The following MEGF10 variants were observed in gnomAD, a reference collection of about 807,000 sequenced individuals.
MEGF10 encodes the protein multiple epidermal growth factor-like domains protein 10.
A neutral mutation model predicts 147.5 loss-of-function variants in MEGF10; 86 were observed. The ratio of observed to expected loss-of-function variants is 0.58; its 90% CI spans 0.49 to 0.70. The LOEUF is 0.70. MEGF10 is among the 30% of genes least tolerant of loss of function. The pLI is 0.00. For missense variants in MEGF10, 1,329 were observed against 1,487.3 expected, an observed-to-expected ratio of 0.89 and a Z score of 1.75; for synonymous variants, 478 against 525.5, an observed-to-expected ratio of 0.91 and a Z score of 1.24.
intron 4 of MEGF10, among the ~76,000 whole-genome samples, chr5:127,362,728 A>G (rs559340266): frequency 6.6e-6 from 1 of 152,240 alleles, no homozygotes; most frequent in Admixed American, 6.5e-5. Context: ...TAGGTCTTAC[A>G]TTTTTAATCC....
chr5:127,278,163 GA>G, the MEGF10 span, among the ~76,000 whole-genome samples: 1 of 152,016 alleles, frequency 6.6e-6, no homozygotes, highest in Non-Finnish European at 1.5e-5. Context: ...AAGATGTGAA[GA>G]AACCAACAAA....
At chr5:127,382,375 T>C (rs1316028545) in intron 5 of MEGF10, among the ~76,000 whole-genome samples, 1 of 152,184 alleles carries the variant, frequency 6.6e-6, no homozygotes, top group Non-Finnish European at 1.5e-5. Flanking sequence ...AACCAAATGG[T>C]TTTACTACTC....
rs1766468090 is a variant in MEGF10, at chr5:127,459,000, CTTGACCA to C, written c.*1683_*1689del. The C allele has an allele frequency of 6.6e-6, 1 of 152,156 alleles. No homozygotes were observed. Among genetic ancestry groups the C allele is most frequent in the Non-Finnish European group, 1.5e-5 (1 of 68,028 alleles). 9.4% of individuals were successfully genotyped at this position (152,156 alleles called of 1,614,324 possible). On this transcript the variant is annotated 3_prime_UTR_variant, in exon 25 of 25. Coordinates refer to ENST00000503335, the MANE Select transcript of MEGF10 (RefSeq NM_001256545.2). Reference sequence around the variant, plus strand: ...AGCCAGTTTCCCTTTTGTTGATCTACTTGACCAAGCAAAGGGGCTGAAAAACTGAATA... The same window carrying C: ...AGCCAGTTTCCCTTTTGTTGATCTACAGCAAAGGGGCTGAAAAACTGAATA...
chr5:127,388,177 C>T (rs1389717145), intron 5 of MEGF10, among the ~76,000 whole-genome samples: 1 of 152,124 alleles, frequency 6.6e-6, no homozygotes, highest in Non-Finnish European at 1.5e-5. Context: ...GAGGCAGGAT[C>T]TCACTCTGTC....
chr5:127,383,988 A>C (rs1300503096), intron 5 of MEGF10, among the ~76,000 whole-genome samples: 1 of 152,218 alleles, frequency 6.6e-6, no homozygotes, highest in African/African-American at 2.4e-5. Flanking sequence ...GTCCAGAAGG[A>C]AGATAAGCAT....
the MEGF10 span, among the ~76,000 whole-genome samples, chr5:127,235,156 A>G: frequency 6.6e-6 from 1 of 152,160 alleles, no homozygotes; most frequent in Non-Finnish European, 1.5e-5. Flanking sequence ...TCCAACTTGC[A>G]TATCTTTATG....
intron 1 of MEGF10, among the ~76,000 whole-genome samples, chr5:127,298,207 C>G (rs1263226238): frequency 6.6e-6 from 1 of 152,174 alleles, no homozygotes; most frequent in African/African-American, 2.4e-5. Context: ...AAGGCTACCA[C>G]CTCCACCAGG....
intron 9 of MEGF10, among the ~76,000 whole-genome samples, chr5:127,412,393 TCCTGGAAGC>T (rs1455250525): frequency 2.6e-5 from 4 of 152,210 alleles, no homozygotes; most frequent in African/African-American, 9.6e-5. Flanking sequence ...TGTGTAAAAC[TCCTGGAAGC>T]CCAAGGTCCC....
In MEGF10 at chr5:127,457,850, G is replaced by A. The variant is rs1766422451; in HGVS notation, c.*532G>A. The A allele has an allele frequency of 6.6e-6, 1 of 152,584 alleles. No individual in the cohort carries two copies. The highest frequency in any genetic ancestry group is 2.4e-5 in the African/African-American group (1 of 41,422). The allele number at this position is 152,584 out of a possible 1,614,324, so 9.5% of individuals were successfully genotyped here. On this transcript the variant is annotated 3_prime_UTR_variant, in exon 25 of 25. Coordinates refer to ENST00000503335, the MANE Select transcript of MEGF10 (RefSeq NM_001256545.2). Reference sequence around the variant, plus strand: ...TTGTAGGGATAATATGAATGCAGGAGGAAACATTCTGTCAGGCGGTATGAC... The same window carrying A: ...TTGTAGGGATAATATGAATGCAGGAAGAAACATTCTGTCAGGCGGTATGAC...
chr5:127,389,200 G>A (rs1004334278), intron 5 of MEGF10, among the ~76,000 whole-genome samples: 1 of 152,118 alleles, frequency 6.6e-6, no homozygotes, highest in African/African-American at 2.4e-5. Context: ...TCCTCTATGT[G>A]CTTGTCATAA....
chr5:127,433,275 T>G, intron 13 of MEGF10, 88 bp from the exon 14 acceptor site: 1 of 1,538,330 alleles, frequency 6.5e-7, no homozygotes, highest in Non-Finnish European at 8.9e-7. Context: ...GGTTTAACAC[T>G]GTGAGCTTAG....
At chr5:127,339,910 A>G (rs1034235412) in intron 3 of MEGF10, among the ~76,000 whole-genome samples, 17 of 152,154 alleles carry the variant, frequency 1.1e-4, no homozygotes, top group African/African-American at 4.1e-4. Context: ...TTTTCTTCAC[A>G]GCATGTAATC....
intron 1 of MEGF10, among the ~76,000 whole-genome samples, chr5:127,323,074 C>G (rs190352867): frequency 4.6e-5 from 7 of 151,698 alleles, no homozygotes; most frequent in Admixed American, 3.9e-4. Flanking sequence ...TTGTAACTTT[C>G]AAGTAAATTT....
chr5:127,367,025 G>A (rs1286517367), intron 4 of MEGF10, among the ~76,000 whole-genome samples: 1 of 152,110 alleles, frequency 6.6e-6, no homozygotes, highest in Non-Finnish European at 1.5e-5. Flanking sequence ...TTAGAGCAGG[G>A]TGCTAGGCTG....
chr5:127,318,058 C>T (rs1760634099), intron 1 of MEGF10, among the ~76,000 whole-genome samples: 1 of 152,098 alleles, frequency 6.6e-6, no homozygotes, highest in Non-Finnish European at 1.5e-5. Flanking sequence ...GGTTTTGAAA[C>T]TTTGCTCTCA....
At chr5:127,393,487 G>A (rs1270447031) in intron 5 of MEGF10, among the ~76,000 whole-genome samples, 2 of 152,204 alleles carry the variant, frequency 1.3e-5, no homozygotes, top group Non-Finnish European at 2.9e-5. Context: ...TCACGGTAAT[G>A]TCTGAATTCA....
At chr5:127,427,670 C>G (rs967927110) in intron 13 of MEGF10, among the ~76,000 whole-genome samples, 2 of 152,078 alleles carry the variant, frequency 1.3e-5, no homozygotes, top group African/African-American at 4.8e-5. Context: ...CAAGTTTGAC[C>G]AGCTGAGTGA....
chr5:127,395,078 T>C (rs912499548), intron 5 of MEGF10, among the ~76,000 whole-genome samples: 1 of 152,230 alleles, frequency 6.6e-6, no homozygotes, highest in African/African-American at 2.4e-5. Flanking sequence ...GAAACTTTTT[T>C]TTAATTGTAA....
At chr5:127,237,173 G>T in the MEGF10 span, among the ~76,000 whole-genome samples, 28 of 152,246 alleles carry the variant, frequency 1.8e-4, no homozygotes, top group East Asian at 5.4e-3. Flanking sequence ...CTGGGTTTTG[G>T]GACTGTAAAA....
Sources: allele counts gnomAD v4.1 joint callset (sites outside exome capture counted in the v4.1 genomes callset), GRCh38; gene constraint gnomAD v4.1.1; transcripts MANE v1.5; gene names NCBI Gene and HGNC (gene_info 2026-07-23, HGNC 2026-07-21).